Variants in ANKFY1 observed in about 807,000 individuals in gnomAD.
The protein encoded by ANKFY1 is ankyrin repeat and FYVE domain-containing protein 1.
In ANKFY1, 47 loss-of-function variants were observed where a neutral mutation model predicts 128.3. The observed-to-expected ratio is 0.37, with a 90% CI of 0.29 to 0.47. The LOEUF (loss-of-function observed/expected upper bound fraction) is 0.47. ANKFY1 is among the 20% of genes least tolerant of loss of function. ANKFY1 has a pLI of 1.00. For missense variants in ANKFY1, 1,222 were observed against 1,510.6 expected, an observed-to-expected ratio of 0.81 and a Z score of 3.17; for synonymous variants, 553 against 601.6, an observed-to-expected ratio of 0.92 and a Z score of 1.18.
chr17:4,204,141 A>G (rs1375512689), intron 7 of ANKFY1, among the ~76,000 whole-genome samples: 2 of 152,180 alleles, frequency 1.3e-5, no homozygotes, highest in African/African-American at 4.8e-5. Context: ...CTCATATATT[A>G]AAGACTTTCA....
In ANKFY1 at chr17:4,169,728, A is replaced by G. The variant is rs114874632; in HGVS notation, c.3287-440T>C. On this transcript the variant is annotated intron_variant, in intron 23 of 24. Coordinates refer to ENST00000341657, the MANE Select transcript of ANKFY1 (RefSeq NM_001330063.2). The surrounding 1 kb of genome is among the most constrained non-coding windows in gnomAD (Gnocchi z 5.0). ...ATGTGAGCGGGAGCAGGCAGAAGAC[A>G]CGGGTGATTTCCAGGCTTCCGGAGA... Among the ~76,000 whole-genome samples the G allele has an allele frequency of 4.6e-3, 704 of 152,314 alleles. 5 individuals are homozygous for G. Among genetic ancestry groups the G allele is most frequent in the African/African-American group, 0.016 (661 of 41,574 alleles).
chr17:4,253,143 C>G (rs1781615528), intron 1 of ANKFY1, among the ~76,000 whole-genome samples: 1 of 152,048 alleles, frequency 6.6e-6, no homozygotes, highest in Admixed American at 6.6e-5. Context: ...ATCGCTTGAA[C>G]CCAGGAGGCA....
chr17:4,248,066 T>A (rs1052870693), intron 1 of ANKFY1, among the ~76,000 whole-genome samples: 8 of 152,212 alleles, frequency 5.3e-5, no homozygotes, highest in African/African-American at 1.9e-4. Context: ...TTACTAGCTG[T>A]GTGACCTTGG....
At position 4,173,948 on chromosome 17, in the gene ANKFY1, C is replaced by T. The variant is rs2059368769; in HGVS notation, c.2884G>A (p.Gly962Ser). 5.0e-6 allele frequency: 8 copies of T among 1,614,100 alleles called. No individual in the cohort carries two copies. Among genetic ancestry groups the T allele is most frequent in the Non-Finnish European group, 6.8e-6 (8 of 1,179,940 alleles). Residue 962 changes from glycine (G) to serine (S), a missense_variant, in exon 20 of 25, where the codon GGC becomes AGC. Transcript: ENST00000341657. ...PTICSVLLEN[G>S]VDFAAVDENG... ...TCATCCACGGCAGCAAAGTCCACGCCATTCTCTAGGAGGACTGAGCAGATG... is the reference window on the plus strand; with the variant it reads ...TCATCCACGGCAGCAAAGTCCACGCTATTCTCTAGGAGGACTGAGCAGATG...
chr17:4,252,909 A>G (rs1229032977), intron 1 of ANKFY1, among the ~76,000 whole-genome samples: 1 of 152,348 alleles, frequency 6.6e-6, no homozygotes, highest in East Asian at 1.9e-4. Flanking sequence ...TCTCAAAAGC[A>G]ATATGCTACG....
chr17:4,248,558 G>A (rs1294982239), intron 1 of ANKFY1, among the ~76,000 whole-genome samples: 1 of 152,220 alleles, frequency 6.6e-6, no homozygotes, highest in Non-Finnish European at 1.5e-5. Context: ...GGTTTAGTAA[G>A]GCTTACCGCT....
chr17:4,179,329 T>A (rs1474157900), intron 17 of ANKFY1: 7 of 550,296 alleles, frequency 1.3e-5, no homozygotes, highest in Non-Finnish European at 2.0e-5. Context: ...CACCACTCCT[T>A]ATCTGGCTAT....
intron 4 of ANKFY1, among the ~76,000 whole-genome samples, chr17:4,211,644 G>A (rs2060133001): frequency 6.6e-6 from 1 of 152,064 alleles, no homozygotes; most frequent in African/African-American, 2.4e-5. Context: ...AAGGCAGGAG[G>A]AGTACTTGTG....
At chr17:4,223,886 T>C in intron 3 of ANKFY1, 2 of 731,744 alleles carry the variant, frequency 2.7e-6, no homozygotes. Context: ...GGATGCTTTG[T>C]ATCTAACACC....
rs2060025132 is a variant in ANKFY1, at chr17:4,206,414, C to G, written c.805G>C (p.Glu269Gln). 1 of 1,614,078 alleles carries G rather than the reference C, an allele frequency of 6.2e-7. No individual in the cohort carries two copies. The highest frequency in any genetic ancestry group is 1.7e-5 in the Admixed American group (1 of 60,004). Residue 269 changes from glutamate (E) to glutamine (Q), a missense_variant, in exon 7 of 25, where the codon GAG becomes CAG. Physicochemically the swap from Glu to Gln is conservative, Grantham distance 29 (BLOSUM62 2). Transcript: ENST00000341657. ...ALDLALSRRL[E>Q]SIATTLVSHK... ...CTAACCAGCGTGGTGGCAATACTCT[C>G]CAGTCGTCGTGAGAGGGCTAGATCT...
intron 1 of ANKFY1, among the ~76,000 whole-genome samples, chr17:4,253,993 C>T (rs949129181): frequency 1.3e-5 from 2 of 152,220 alleles, no homozygotes; most frequent in Admixed American, 6.5e-5. Flanking sequence ...CAGCACGTAA[C>T]TGTTCATGTA....
At chr17:4,237,513 T>C (rs1295247450) in intron 2 of ANKFY1, among the ~76,000 whole-genome samples, 1 of 152,172 alleles carries the variant, frequency 6.6e-6, no homozygotes, top group Non-Finnish European at 1.5e-5. Flanking sequence ...CTATATATAT[T>C]TATAAAGTAT....
At position 4,173,447 on chromosome 17, in the gene ANKFY1, G is replaced by A. The variant is rs2059359230; in HGVS notation, c.2924-3C>T. ...GTGCATGACAGCAAGATGAAGAGCT[G>A]GGAAGTAAATCCTCTTACTATGCAA... On this transcript the variant is annotated splice_region_variant and splice_polypyrimidine_tract_variant and intron_variant, in intron 20 of 24. Transcript: ENST00000341657. 3 of 1,613,914 alleles carry A rather than the reference G, an allele frequency of 1.9e-6. No individual in the cohort carries two copies.
At chr17:4,245,535 C>CTTGCTATG (rs1019647606) in intron 1 of ANKFY1, among the ~76,000 whole-genome samples, 1 of 152,028 alleles carries the variant, frequency 6.6e-6, no homozygotes, top group Admixed American at 6.6e-5. Flanking sequence ...AGAGATGGGC[C>CTTGCTATG]TTGCTATGTT....
chr17:4,223,986 G>A (rs1349440438), intron 3 of ANKFY1, among the ~76,000 whole-genome samples: 1 of 152,088 alleles, frequency 6.6e-6, no homozygotes, highest in African/African-American at 2.4e-5. Flanking sequence ...TAATAATGTG[G>A]CATATTTTCT....
chr17:4,263,657 C>T, intron 1 of ANKFY1: 1 of 1,534,310 alleles, frequency 6.5e-7, no homozygotes, highest in Non-Finnish European at 8.7e-7. Flanking sequence ...CGGGGCCCCG[C>T]GGCTGCACGC....
intron 1 of ANKFY1, among the ~76,000 whole-genome samples, chr17:4,254,031 C>T (rs1443644778): frequency 1.3e-5 from 2 of 152,106 alleles, no homozygotes; most frequent in Non-Finnish European, 2.9e-5. Flanking sequence ...AGGGGCTGGC[C>T]GCGGTGGCTC....
At position 4,179,071 on chromosome 17, in the gene ANKFY1, C is replaced by A; in HGVS notation, c.2398-14G>T. 6.2e-7 allele frequency: 1 copy of A among 1,613,244 alleles called. No homozygotes were observed. The highest frequency in any genetic ancestry group is 8.5e-7 in the Non-Finnish European group (1 of 1,179,446). On this transcript the variant is annotated splice_polypyrimidine_tract_variant and intron_variant, in intron 17 of 24. Transcript: ENST00000341657. Reference sequence around the variant, plus strand: ...TCCTTCTGCATCCTATGGAACAAGGCACAGAATTTAATGTTCAATTGCAAG... The same window carrying A: ...TCCTTCTGCATCCTATGGAACAAGGAACAGAATTTAATGTTCAATTGCAAG...
At chr17:4,210,001 G>A in intron 4 of ANKFY1, 54 bp from the exon 5 acceptor site, 26 of 1,558,070 alleles carry the variant, frequency 1.7e-5, no homozygotes, top group Non-Finnish European at 1.8e-5. Flanking sequence ...ATTCACAAAC[G>A]AACAAACCAA....
Sources: gnomAD v4.1 joint callset for allele counts (sites outside exome capture counted in the v4.1 genomes callset) on GRCh38, gnomAD v4.1.1 for gene constraint, Gnocchi (gnomAD v3.1) non-coding constraint, MANE v1.5 for transcripts, NCBI Gene and HGNC (gene_info 2026-07-23, HGNC 2026-07-21) for gene names.